MGAM2: variants seen among roughly 807,000 people sequenced by gnomAD.
MGAM2 encodes maltase-glucoamylase 2 (putative).
MGAM2 carries 98 observed loss-of-function variants against 96.1 expected under a neutral mutation model. That is an observed-to-expected ratio of 1.02 (90% CI 0.87 to 1.21). The LOEUF is 1.21. Ranked by LOEUF, MGAM2 falls within the 50% of genes most tolerant of loss-of-function variation. MGAM2 has a pLI of 0.00. For missense variants in MGAM2, 2,055 were observed against 1,182.4 expected, an observed-to-expected ratio of 1.74 and a Z score of -10.82; for synonymous variants, 749 against 414.8, an observed-to-expected ratio of 1.81 and a Z score of -9.79.
rs572755061 is a variant in MGAM2, at chr7:142,201,166, T to C, written c.5137+1198T>C. Among the ~76,000 whole-genome samples the C allele has an allele frequency of 1.6e-4, 22 of 141,434 alleles. 1 individual carries two copies. The South Asian group carries it at 4.9e-3, about 32-fold the overall frequency. 92.8% of individuals were successfully genotyped at this position (141,434 alleles called of 152,430 possible). ...CTCACTGCAACCTCCTCCTCCCTAATTCAAGTGATTCTCCTGGCTCAGCCT... is the reference window on the plus strand; with the variant it reads ...CTCACTGCAACCTCCTCCTCCCTAACTCAAGTGATTCTCCTGGCTCAGCCT... On this transcript the variant is annotated intron_variant, in intron 45 of 47. Coordinates refer to ENST00000477922, the MANE Select transcript of MGAM2 (RefSeq NM_001293626.2).
intron 1 of MGAM2, among the ~76,000 whole-genome samples, chr7:142,112,551 G>C (rs1038593504): frequency 6.6e-6 from 1 of 152,156 alleles, no homozygotes; most frequent in African/African-American, 2.4e-5. Context: ...TCTTAGGGTA[G>C]GTCCTTCCTA....
At position 142,170,062 on chromosome 7, in the gene MGAM2, C is replaced by T. The variant is rs1554508612; in HGVS notation, c.3028-13C>T. On this transcript the variant is annotated splice_polypyrimidine_tract_variant and intron_variant, in intron 26 of 47. Coordinates refer to ENST00000477922, the MANE Select transcript of MGAM2 (RefSeq NM_001293626.2). The stretch of plus-strand genomic sequence containing the variant: ...AGACCCTAACAGAAAGTTTTCTTCT[C>T]TCTTCTTGCCAGATCTATGACCCCA... 1.5e-6 allele frequency: 1 copy of T among 689,470 alleles called. No homozygotes were observed. The highest frequency in any genetic ancestry group is 2.6e-6 in the Non-Finnish European group (1 of 379,862). The allele number at this position is 689,470 out of a possible 1,614,324, so 42.7% of individuals were successfully genotyped here.
intron 45 of MGAM2, among the ~76,000 whole-genome samples, chr7:142,203,132 T>A (rs535334873): frequency 2.0e-4 from 30 of 152,336 alleles, no homozygotes; most frequent in African/African-American, 6.5e-4. Flanking sequence ...ATGGGGTTAT[T>A]TGACTTTTGC....
chr7:142,132,755 A>G (rs1395538796), intron 6 of MGAM2, among the ~76,000 whole-genome samples: 1 of 125,766 alleles, frequency 8.0e-6, no homozygotes, highest in East Asian at 2.3e-4. Flanking sequence ...CATATAATAT[A>G]TAATATATAA....
intron 47 of MGAM2, 27 bp from the exon 48 acceptor site, chr7:142,219,843 C>A: frequency 3.0e-6 from 2 of 655,804 alleles, no homozygotes; most frequent in East Asian, 2.7e-5. Flanking sequence ...TCTAAAATAC[C>A]CATTTATATC....
chr7:142,214,252 C>A (rs566800075), intron 46 of MGAM2, among the ~76,000 whole-genome samples: 3 of 152,266 alleles, frequency 2.0e-5, no homozygotes, highest in African/African-American at 7.2e-5. Context: ...CGGCACAAGA[C>A]AAGGATGCCC....
chr7:142,131,073 T>C lies in MGAM2; in HGVS notation c.310+2T>C, dbSNP rs953370166. On this transcript the variant is annotated splice_donor_variant, in intron 4 of 47. Transcript: ENST00000477922. LOFTEE classifies it high-confidence loss of function. ...ATGGCCATACAAATACAAGCACAGGTGAGCACTGCCCTGATGTTGCGCCTG... is the reference window on the plus strand; with the variant it reads ...ATGGCCATACAAATACAAGCACAGGCGAGCACTGCCCTGATGTTGCGCCTG... 1 of 702,372 alleles carries C rather than the reference T, an allele frequency of 1.4e-6. No individual in the cohort carries two copies. Among genetic ancestry groups the C allele is most frequent in the African/African-American group, 1.7e-5 (1 of 57,236 alleles). The allele number at this position is 702,372 out of a possible 1,614,324, so 43.5% of individuals were successfully genotyped here. A position where few individuals can be genotyped will look rare whatever the true frequency, so the allele number is the denominator to read the frequency against.
intron 32 of MGAM2, among the ~76,000 whole-genome samples, chr7:142,178,132 A>T (rs1796431206): frequency 6.6e-6 from 1 of 152,052 alleles, no homozygotes; most frequent in Admixed American, 6.6e-5. Flanking sequence ...GCATTTTTTC[A>T]AATGTTTGTT....
intron 23 of MGAM2, among the ~76,000 whole-genome samples, chr7:142,164,173 A>G (rs1333207671): frequency 1.3e-5 from 2 of 152,194 alleles, no homozygotes; most frequent in African/African-American, 2.4e-5. Flanking sequence ...ATTTGGGCAT[A>G]TATGTATGCG....
intron 46 of MGAM2, among the ~76,000 whole-genome samples, chr7:142,215,808 T>G (rs1178277432): frequency 6.6e-6 from 1 of 151,908 alleles, no homozygotes; most frequent in Non-Finnish European, 1.5e-5. Flanking sequence ...TGAAAAATGT[T>G]GTAATAATAA....
In MGAM2 at chr7:142,220,974, A is replaced by C. The variant is rs1412651857; in HGVS notation, c.6463A>C (p.Ser2155Arg). 1 of 702,114 alleles carries C rather than the reference A, an allele frequency of 1.4e-6. No individual in the cohort carries two copies. The highest frequency in any genetic ancestry group is 2.6e-6 in the Non-Finnish European group (1 of 384,708). The allele number at this position is 702,114 out of a possible 1,614,324, so 43.5% of individuals were successfully genotyped here. A position where few individuals can be genotyped will look rare whatever the true frequency, so the allele number is the denominator to read the frequency against. ...VQTNTTNAST[S>R]TNVANITATS... ...AACAAATACTACTAATGCTAGCACT[A>C]GTACTAATGTTGCTAATATAACTGC... The change falls in exon 48 of 48, where the codon AGT becomes CGT. Residue 2155 changes from serine (S) to arginine (R), a missense_variant. Coordinates refer to ENST00000477922, the MANE Select transcript of MGAM2 (RefSeq NM_001293626.2).
At chr7:142,169,950 G>A (rs1292200028) in intron 26 of MGAM2, 125 bp from the exon 27 acceptor site, 11 of 545,160 alleles carry the variant, frequency 2.0e-5, no homozygotes, top group South Asian at 5.2e-5. Flanking sequence ...TTCGCTTGGG[G>A]ATGTTTGATG....
chr7:142,139,065 A>G (rs763437369), intron 10 of MGAM2, among the ~76,000 whole-genome samples: 14 of 152,192 alleles, frequency 9.2e-5, no homozygotes, highest in Non-Finnish European at 1.8e-4. Context: ...CTATTATGTT[A>G]TTAGAGAAAG....
intron 37 of MGAM2, among the ~76,000 whole-genome samples, chr7:142,191,382 A>T (rs187861238): frequency 5.3e-5 from 8 of 152,264 alleles, no homozygotes; most frequent in Admixed American, 1.3e-4. Context: ...GGTCATGAAG[A>T]TTTATTCCTA....
chr7:142,185,646 A>C (rs1796670303), intron 34 of MGAM2, among the ~76,000 whole-genome samples: 1 of 151,760 alleles, frequency 6.6e-6, no homozygotes. Context: ...TGCTAATATC[A>C]CACTGATATT....
At chr7:142,139,118 A>T (rs1458945937) in intron 10 of MGAM2, among the ~76,000 whole-genome samples, 2 of 152,196 alleles carry the variant, frequency 1.3e-5, no homozygotes, top group Admixed American at 1.3e-4. Flanking sequence ...GATGATTATA[A>T]TGACTTACAG....
intron 7 of MGAM2, among the ~76,000 whole-genome samples, chr7:142,135,777 T>C (rs1400384140): frequency 2.0e-5 from 3 of 149,448 alleles, no homozygotes; most frequent in African/African-American, 7.4e-5. Flanking sequence ...AGGTCAGTGC[T>C]CATCACAGCT....
In MGAM2 at chr7:142,130,167, A is replaced by G. The variant is rs566392226; in HGVS notation, c.187-781A>G. Among the ~76,000 whole-genome samples the G allele has an allele frequency of 3.3e-5, 5 of 152,298 alleles. No individual in the cohort carries two copies. In the East Asian group the frequency reaches 9.7e-4, roughly 29 times the overall value. ...AATCAAACCACTCTGAGAAAGAACC[A>G]CATGTGATTTGTTTTTGCCTTGGAC... On this transcript the variant is annotated intron_variant, in intron 3 of 47. Coordinates refer to ENST00000477922, the MANE Select transcript of MGAM2 (RefSeq NM_001293626.2).
At position 142,161,293 on chromosome 7, in the gene MGAM2, G is replaced by A. The variant is rs77565205; in HGVS notation, c.2434+80G>A. ...TAGTCATCATAGGCTGCCCAATATGGCACTAACCCTATTAGCACTGTCGTT... is the reference window on the plus strand; with the variant it reads ...TAGTCATCATAGGCTGCCCAATATGACACTAACCCTATTAGCACTGTCGTT... On this transcript the variant is annotated intron_variant, in intron 22 of 47. Transcript: ENST00000477922. 4.5e-3 allele frequency: 3,004 copies of A among 670,084 alleles called. 77 individuals carry two copies. The African/African-American group carries it at 0.046, about 10-fold the overall frequency. 41.5% of individuals were successfully genotyped at this position (670,084 alleles called of 1,614,324 possible). A position where few individuals can be genotyped will look rare whatever the true frequency, so the allele number is the denominator to read the frequency against.
Sources: allele counts gnomAD v4.1 joint callset (sites outside exome capture counted in the v4.1 genomes callset), GRCh38; gene constraint gnomAD v4.1.1; transcripts MANE v1.5; gene names NCBI Gene and HGNC (gene_info 2026-07-23, HGNC 2026-07-21).